Variants in NRG3 observed in about 807,000 individuals in gnomAD.
NRG3 encodes neuregulin 3.
Under a neutral mutation model 66.9 loss-of-function variants are expected in NRG3, and 31 were observed. That is an observed-to-expected ratio of 0.46 (90% confidence interval 0.35 to 0.63). The LOEUF is 0.63. Ranked by LOEUF, NRG3 falls within the 20% of genes least tolerant of loss-of-function variation. The probability of loss-of-function intolerance (pLI) is 0.00; values close to 1 mark genes in which losing one functional copy is unlikely to be tolerated. For missense variants in NRG3, 910 were observed against 878.9 expected, an observed-to-expected ratio of 1.04 and a Z score of -0.45; for synonymous variants, 393 against 359.4, an observed-to-expected ratio of 1.09 and a Z score of -1.06.
At chr10:82,547,493 A>C (rs1406750016) in intron 2 of NRG3, among the ~76,000 whole-genome samples, 1 of 129,708 alleles carries the variant, frequency 7.7e-6, no homozygotes, top group Non-Finnish European at 1.6e-5. Context: ...CAGTATATAC[A>C]TATGTGTATA....
intron 2 of NRG3, among the ~76,000 whole-genome samples, chr10:82,405,792 TAG>T (rs2087476856): frequency 4.6e-5 from 7 of 152,186 alleles, no homozygotes. Flanking sequence ...TCTTTTTGCT[TAG>T]AAAGATTATT....
intron 2 of NRG3, among the ~76,000 whole-genome samples, chr10:82,554,920 A>C (rs2044550511): frequency 6.6e-6 from 1 of 152,072 alleles, no homozygotes; most frequent in Non-Finnish European, 1.5e-5. Flanking sequence ...CTTTACACAC[A>C]CCGTCCTCAT....
intron 1 of NRG3, among the ~76,000 whole-genome samples, chr10:81,900,853 A>G (rs1002559905): frequency 2.0e-5 from 3 of 152,244 alleles, no homozygotes; most frequent in African/African-American, 7.2e-5. Context: ...ATTTTCAGTT[A>G]GCAATATAAT....
intron 2 of NRG3, among the ~76,000 whole-genome samples, chr10:82,419,764 AAC>A (rs1332920983): frequency 6.6e-6 from 1 of 152,186 alleles, no homozygotes; most frequent in Non-Finnish European, 1.5e-5. Flanking sequence ...CTGCTATCCA[AAC>A]ACAGTGACAT....
intron 5 of NRG3, chr10:82,955,194 G>T (rs1849923485): frequency 6.6e-6 from 1 of 151,922 alleles, no homozygotes; most frequent in South Asian, 2.1e-4. Context: ...TCATCAGAAG[G>T]AATATTACAG....
chr10:82,276,487 G>C (rs143215811), intron 1 of NRG3, among the ~76,000 whole-genome samples: 11 of 152,046 alleles, frequency 7.2e-5, no homozygotes, highest in Non-Finnish European at 1.2e-4. Context: ...CCAGGAAGAT[G>C]TAAAGGAACT....
intron 2 of NRG3, among the ~76,000 whole-genome samples, chr10:82,516,901 A>G (rs1845710462): frequency 1.3e-5 from 2 of 152,226 alleles, no homozygotes; most frequent in Admixed American, 1.3e-4. Context: ...GAAGGTATTC[A>G]TTACTGAACC....
intron 1 of NRG3, among the ~76,000 whole-genome samples, chr10:82,172,087 G>A (rs1012263182): frequency 6.6e-6 from 1 of 152,070 alleles, no homozygotes; most frequent in South Asian, 2.1e-4. Flanking sequence ...AGCCAGTGAT[G>A]GAAATACCAA....
At chr10:82,476,587 G>C (rs893967270) in intron 2 of NRG3, among the ~76,000 whole-genome samples, 1 of 152,180 alleles carries the variant, frequency 6.6e-6, no homozygotes, top group Non-Finnish European at 1.5e-5. Context: ...ATTATGCTAA[G>C]TAAAACAAAC....
intron 2 of NRG3, among the ~76,000 whole-genome samples, chr10:82,628,485 A>T (rs2049582351): frequency 6.6e-6 from 1 of 152,166 alleles, no homozygotes; most frequent in South Asian, 2.1e-4. Flanking sequence ...AGCAATTTAG[A>T]AACAGGTGGC....
At position 82,640,171 on chromosome 10, in the gene NRG3, A is replaced by G. The variant is rs111633594; in HGVS notation, c.954-98406A>G. 2.0e-5 allele frequency among the ~76,000 whole-genome samples: 3 copies of G among 152,368 alleles called. 1 individual carries two copies. Among genetic ancestry groups the G allele is most frequent in the African/African-American group, 7.2e-5 (3 of 41,590 alleles). ...ATACCATTACTGGGTATATACCCAA[A>G]GAAATGTAAATTGTTCCATTATAAA... On this transcript the variant is annotated intron_variant, in intron 2 of 8. Coordinates refer to ENST00000372141, the MANE Select transcript of NRG3 (RefSeq NM_001010848.4).
At chr10:82,346,621 A>G (rs1318294796) in intron 1 of NRG3, among the ~76,000 whole-genome samples, 2 of 151,660 alleles carry the variant, frequency 1.3e-5, no homozygotes, top group Non-Finnish European at 2.9e-5. Flanking sequence ...TATTGATTGG[A>G]ATAGTTTCAG....
At chr10:82,263,276 G>C (rs1346333310) in intron 1 of NRG3, among the ~76,000 whole-genome samples, 1 of 152,098 alleles carries the variant, frequency 6.6e-6, no homozygotes, top group African/African-American at 2.4e-5. Flanking sequence ...AATTAGGCTT[G>C]AATTACTCAA....
intron 3 of NRG3, among the ~76,000 whole-genome samples, chr10:82,741,487 T>C (rs2058421427): frequency 1.3e-5 from 2 of 152,198 alleles, no homozygotes; most frequent in South Asian, 4.1e-4. Context: ...CCAGATAATG[T>C]CAGCCCACTT....
chr10:82,844,560 A>G (rs921780240), intron 3 of NRG3, among the ~76,000 whole-genome samples: 1 of 152,166 alleles, frequency 6.6e-6, no homozygotes, highest in Non-Finnish European at 1.5e-5. Flanking sequence ...ACATTCTTAT[A>G]TAAAAATGGA....
At chr10:82,901,866 A>G (rs1225119591) in intron 4 of NRG3, among the ~76,000 whole-genome samples, 1 of 152,212 alleles carries the variant, frequency 6.6e-6, no homozygotes, top group Admixed American at 6.5e-5. Context: ...TTTAGTAATC[A>G]CCATGCTTTA....
chr10:82,519,739 A>C (rs1417535377), intron 2 of NRG3, among the ~76,000 whole-genome samples: 1 of 152,094 alleles, frequency 6.6e-6, no homozygotes, highest in African/African-American at 2.4e-5. Context: ...ACATGGCAAA[A>C]ATTCTTGGGC....
chr10:81,928,398 G>T (rs184189771), intron 1 of NRG3, among the ~76,000 whole-genome samples: 31 of 152,266 alleles, frequency 2.0e-4, no homozygotes, highest in Non-Finnish European at 5.9e-5. Flanking sequence ...TGTAGACCCA[G>T]CATTAGGACC....
chr10:82,047,178 G>A (rs4639880), intron 1 of NRG3, among the ~76,000 whole-genome samples: 134,051 of 151,132 alleles, frequency 0.89, 60,612 homozygotes, highest in South Asian at 0.99. Context: ...GGTAGAATTC[G>A]GCTGTGAATC....
Sources: allele counts gnomAD v4.1 joint callset (sites outside exome capture counted in the v4.1 genomes callset), GRCh38; gene constraint gnomAD v4.1.1; transcripts MANE v1.5; gene names NCBI Gene and HGNC (gene_info 2026-07-23, HGNC 2026-07-21).